The following MEI4 variants were observed in gnomAD, a reference collection of about 807,000 sequenced individuals.
The protein encoded by MEI4 is meiosis-specific protein MEI4.
MEI4 carries 27 observed loss-of-function variants against 31.4 expected under a neutral mutation model. The observed-to-expected ratio is 0.86, with a 90% CI of 0.63 to 1.19. MEI4 has a LOEUF of 1.19. Ranked by LOEUF, MEI4 falls within the 50% of genes most tolerant of loss-of-function variation. The pLI, the probability that MEI4 is intolerant of heterozygous loss-of-function variation, is 0.00. For missense variants in MEI4, 329 were observed against 398.9 expected (o/e 0.82, Z 1.49); for synonymous variants, 122 against 145.4 (o/e 0.84, Z 1.16).
At chr6:77,873,380 T>C (rs544672450) in intron 4 of MEI4, among the ~76,000 whole-genome samples, 36 of 152,294 alleles carry the variant, frequency 2.4e-4, no homozygotes, top group Middle Eastern at 3.4e-3. Context: ...TTTCATGTGT[T>C]TTTTGGCTGC....
At chr6:77,865,464 A>G in intron 4 of MEI4, among the ~76,000 whole-genome samples, 1 of 152,202 alleles carries the variant, frequency 6.6e-6, no homozygotes, top group East Asian at 1.9e-4. Context: ...TACGCAAATA[A>G]ACTAGAAAAT....
At chr6:77,868,528 T>TATATATATATATATAG in intron 4 of MEI4, among the ~76,000 whole-genome samples, 1 of 139,094 alleles carries the variant, frequency 7.2e-6, no homozygotes, top group Non-Finnish European at 1.6e-5. Flanking sequence ...TATATATATA[T>TATATATATATATATAG]GCAGATTTCA....
intron 4 of MEI4, among the ~76,000 whole-genome samples, chr6:77,837,653 C>T (rs1025040750): frequency 3.9e-5 from 6 of 152,058 alleles, no homozygotes; most frequent in African/African-American, 9.7e-5. Flanking sequence ...CCAAAGCATT[C>T]AATATTTACT....
At position 77,780,101 on chromosome 6, in the gene MEI4, C is replaced by T. The variant is rs7763588; in HGVS notation, c.768+18436C>T. 1.8e-3 allele frequency among the ~76,000 whole-genome samples: 270 copies of T among 152,160 alleles called. 1 individual carries two copies. The highest frequency in any genetic ancestry group is 5.8e-3 in the African/African-American group (240 of 41,504). The stretch of plus-strand genomic sequence containing the variant: ...GCTGACTACATGCAGGGTTGGAGTC[C>T]GGTCTGAGGGGTGGGAAAAATTATA... On this transcript the variant is annotated intron_variant, in intron 3 of 4. Coordinates refer to ENST00000684080, the MANE Select transcript of MEI4 (RefSeq NM_001322247.2).
chr6:77,876,178 G>A lies in MEI4; in HGVS notation c.901-46911G>A, dbSNP rs553141787. Among the ~76,000 whole-genome samples, 435 of 152,134 alleles carry A rather than the reference G, an allele frequency of 2.9e-3. 3 individuals carry two copies. The highest frequency in any genetic ancestry group is 4.2e-3 in the Non-Finnish European group (284 of 67,992). ...TAGATTTTCATATCTATATGAAAACGCAGAATTATACTAATGCTATGGTTT... is the reference window on the plus strand; with the variant it reads ...TAGATTTTCATATCTATATGAAAACACAGAATTATACTAATGCTATGGTTT... On this transcript the variant is annotated intron_variant, in intron 4 of 4. Transcript: ENST00000684080.
intron 4 of MEI4, among the ~76,000 whole-genome samples, chr6:77,919,696 TAATG>T (rs1052221755): frequency 1.3e-5 from 2 of 149,242 alleles, no homozygotes; most frequent in Non-Finnish European, 3.0e-5. Flanking sequence ...TTCAAAAAAT[TAATG>T]AATCCAGGAG....
At chr6:77,654,276 T>C (rs1467855677) in intron 1 of MEI4, among the ~76,000 whole-genome samples, 3 of 152,200 alleles carry the variant, frequency 2.0e-5, no homozygotes, top group Non-Finnish European at 4.4e-5. Flanking sequence ...ACTTGTTTTG[T>C]TGACTGTTAT....
intron 3 of MEI4, among the ~76,000 whole-genome samples, chr6:77,802,133 G>A (rs1769281718): frequency 6.6e-6 from 1 of 152,134 alleles, no homozygotes; most frequent in Admixed American, 6.6e-5. Flanking sequence ...CTAAGGATGT[G>A]CTTTATGAAT....
At chr6:77,736,334 C>T (rs1020738775) in intron 2 of MEI4, among the ~76,000 whole-genome samples, 3 of 152,068 alleles carry the variant, frequency 2.0e-5, no homozygotes, top group African/African-American at 7.3e-5. Flanking sequence ...ATATAATCTC[C>T]TGGTGCGCCG....
At chr6:77,808,230 T>C (rs1334384180) in intron 3 of MEI4, among the ~76,000 whole-genome samples, 1 of 152,216 alleles carries the variant, frequency 6.6e-6, no homozygotes, top group African/African-American at 2.4e-5. Flanking sequence ...TAGAAAATGA[T>C]TTGAATTTAT....
chr6:77,668,619 A>C (rs1056426675), intron 1 of MEI4, among the ~76,000 whole-genome samples: 1 of 152,222 alleles, frequency 6.6e-6, no homozygotes, highest in African/African-American at 2.4e-5. Flanking sequence ...GAGAGATTAA[A>C]AGTTTTGGAG....
chr6:77,852,390 A>C (rs752817316), intron 4 of MEI4, among the ~76,000 whole-genome samples: 2 of 152,214 alleles, frequency 1.3e-5, no homozygotes, highest in African/African-American at 2.4e-5. Context: ...AGAGACATAT[A>C]ATGTATTAAT....
chr6:77,865,275 A>G (rs1264230856), intron 4 of MEI4, among the ~76,000 whole-genome samples: 1 of 152,230 alleles, frequency 6.6e-6, no homozygotes, highest in Non-Finnish European at 1.5e-5. Flanking sequence ...ACCCTTCAAA[A>G]AATCAATGAA....
At chr6:77,663,766 C>T (rs898320524) in intron 1 of MEI4, among the ~76,000 whole-genome samples, 19 of 152,042 alleles carry the variant, frequency 1.2e-4, no homozygotes, top group Non-Finnish European at 2.1e-4. Flanking sequence ...ACCCGAAGCT[C>T]GGGGTCCGTG....
At chr6:77,913,725 T>TA (rs760427085) in intron 4 of MEI4, among the ~76,000 whole-genome samples, 34 of 151,860 alleles carry the variant, frequency 2.2e-4, no homozygotes, top group Non-Finnish European at 4.6e-4. Context: ...TTGTTTAGTT[T>TA]TTTTTTTTTT....
rs1770966394 is a variant in MEI4 at position 77,864,593 on chromosome 6, G to T, written c.900+35531G>T. Reference sequence around the variant, plus strand: ...CAGATGCATAAAGCAAGTCCTTAGAGACCTACAAAGAGACTTAGACTCCCA... The same window carrying T: ...CAGATGCATAAAGCAAGTCCTTAGATACCTACAAAGAGACTTAGACTCCCA... On this transcript the variant is annotated intron_variant, in intron 4 of 4. Coordinates refer to ENST00000684080, the MANE Select transcript of MEI4 (RefSeq NM_001322247.2). Among the ~76,000 whole-genome samples the T allele has an allele frequency of 2.6e-5, 4 of 152,096 alleles. 1 individual carries two copies. Among genetic ancestry groups the T allele is most frequent in the Admixed American group, 1.3e-4 (2 of 15,264 alleles).
intron 2 of MEI4, among the ~76,000 whole-genome samples, chr6:77,732,634 A>T (rs146031197): frequency 0.024 from 3,487 of 148,238 alleles, 171 homozygotes; most frequent in African/African-American, 0.081. Context: ...TCTCCTGCCT[A>T]ATTGCCCTGG....
chr6:77,778,109 T>C (rs1227771521), intron 3 of MEI4, among the ~76,000 whole-genome samples: 1 of 128,812 alleles, frequency 7.8e-6, no homozygotes, highest in African/African-American at 3.1e-5. Flanking sequence ...AGTGTGTGTA[T>C]ATGTGAGAGA....
chr6:77,786,367 A>G (rs1768736411), intron 3 of MEI4, among the ~76,000 whole-genome samples: 1 of 152,140 alleles, frequency 6.6e-6, no homozygotes, highest in Non-Finnish European at 1.5e-5. Flanking sequence ...AGAGTAATAT[A>G]TATTGAATAA....
Sources: gnomAD v4.1 joint callset for allele counts (sites outside exome capture counted in the v4.1 genomes callset) on GRCh38, gnomAD v4.1.1 for gene constraint, MANE v1.5 for transcripts, NCBI Gene and HGNC (gene_info 2026-07-23, HGNC 2026-07-21) for gene names.